PEAK1: variants seen among roughly 807,000 people sequenced by gnomAD.
The protein encoded by PEAK1 is inactive tyrosine-protein kinase PEAK1.
In PEAK1, 54 loss-of-function variants were observed where a neutral mutation model predicts 124.7. That is an observed-to-expected ratio of 0.43 (90% CI 0.35 to 0.54). The LOEUF (loss-of-function observed/expected upper bound fraction) is 0.54. Ranked by LOEUF, PEAK1 falls within the 20% of genes least tolerant of loss-of-function variation. The pLI is 0.01. For missense variants in PEAK1, 2,046 were observed against 2,134.5 expected, an observed-to-expected ratio of 0.96 and a Z score of 0.82; for synonymous variants, 719 against 760.0, an observed-to-expected ratio of 0.95 and a Z score of 0.89.
chr15:77,339,221 C>T (rs972079848), intron 2 of PEAK1, among the ~76,000 whole-genome samples: 1 of 151,484 alleles, frequency 6.6e-6, no homozygotes, highest in Non-Finnish European at 1.5e-5. Context: ...GGTGATCCTA[C>T]CATCTCAGCC....
intron 6 of PEAK1, among the ~76,000 whole-genome samples, chr15:77,235,518 C>A (rs571256781): frequency 2.6e-5 from 4 of 152,058 alleles, no homozygotes; most frequent in Non-Finnish European, 4.4e-5. Flanking sequence ...GGGTATCTGG[C>A]AGAAGAAATT....
At chr15:77,221,510 G>A (rs1350055799) in intron 6 of PEAK1, among the ~76,000 whole-genome samples, 1 of 152,024 alleles carries the variant, frequency 6.6e-6, no homozygotes, top group African/African-American at 2.4e-5. Context: ...GTATTGCTAA[G>A]CCCAGGGGTA....
intron 5 of PEAK1, among the ~76,000 whole-genome samples, chr15:77,260,548 C>T (rs577559007): frequency 2.0e-5 from 3 of 151,784 alleles, no homozygotes; most frequent in Non-Finnish European, 2.9e-5. Context: ...ATAATGGTGA[C>T]AGAAATAGAG....
At chr15:77,131,608 G>C (rs1379007098) in intron 9 of PEAK1, among the ~76,000 whole-genome samples, 1 of 152,192 alleles carries the variant, frequency 6.6e-6, no homozygotes, top group African/African-American at 2.4e-5. Flanking sequence ...ATGTCAAATG[G>C]AGAAAAAGAT....
intron 5 of PEAK1, among the ~76,000 whole-genome samples, chr15:77,264,134 C>G (rs12916904): frequency 2.0e-5 from 3 of 152,088 alleles, no homozygotes; most frequent in Non-Finnish European, 4.4e-5. Context: ...TGTGACAAAC[C>G]CACAGCCAAC....
At chr15:77,366,307 C>T (rs980202938) in intron 1 of PEAK1, among the ~76,000 whole-genome samples, 5 of 152,010 alleles carry the variant, frequency 3.3e-5, no homozygotes, top group African/African-American at 4.8e-5. Flanking sequence ...ATGGAGTTCA[C>T]TAAATGTCTC....
intron 1 of PEAK1, among the ~76,000 whole-genome samples, chr15:77,416,649 C>T (rs1482830908): frequency 6.6e-6 from 1 of 152,172 alleles, no homozygotes; most frequent in African/African-American, 2.4e-5. Context: ...ACTTCATCCA[C>T]CCCTGTTCTA....
intron 1 of PEAK1, among the ~76,000 whole-genome samples, chr15:77,394,191 C>A (rs1316912965): frequency 6.6e-6 from 1 of 152,216 alleles, no homozygotes; most frequent in Non-Finnish European, 1.5e-5. Flanking sequence ...CTACCCAGGG[C>A]TAGGGAGACC....
intron 5 of PEAK1, among the ~76,000 whole-genome samples, chr15:77,270,529 T>C (rs1019948519): frequency 1.1e-4 from 17 of 152,144 alleles, no homozygotes; most frequent in Non-Finnish European, 2.4e-4. Flanking sequence ...CCATTCACAA[T>C]TGCTTCAAAG....
downstream of PEAK1, chr15:77,103,444 T>A (rs1288054091): frequency 1.3e-5 from 2 of 152,140 alleles, no homozygotes; most frequent in Admixed American, 6.5e-5. Context: ...TGATATATAT[T>A]GTTAAGTAAG....
intron 5 of PEAK1, among the ~76,000 whole-genome samples, chr15:77,262,512 G>A (rs11072647): frequency 0.99 from 149,762 of 151,292 alleles, 74,148 homozygotes; most frequent in East Asian, 1. Context: ...GAGACAAAGA[G>A]GGCCATTACA....
intron 1 of PEAK1, among the ~76,000 whole-genome samples, chr15:77,396,109 T>C (rs2070863384): frequency 6.6e-6 from 1 of 152,154 alleles, no homozygotes; most frequent in Non-Finnish European, 1.5e-5. Flanking sequence ...GTTGTTTTCT[T>C]TGCTTGTTTA....
At chr15:77,152,861 C>T (rs1451044728) in intron 8 of PEAK1, among the ~76,000 whole-genome samples, 1 of 152,072 alleles carries the variant, frequency 6.6e-6, no homozygotes, top group Non-Finnish European at 1.5e-5. Flanking sequence ...GGTGGATAAG[C>T]TTTTTGATGT....
Position 77,154,791 on chromosome 15 carries a change from T to C in PEAK1, c.3331+3712A>G, listed in dbSNP as rs568316154. On this transcript the variant is annotated intron_variant, in intron 8 of 9. Transcript: ENST00000682557. Reference sequence around the variant, plus strand: ...AAATTGTGGGTTGAAAATTCTTTTCTTTAAGAATGTTGAATATTGGCCCCC... The same window carrying C: ...AAATTGTGGGTTGAAAATTCTTTTCCTTAAGAATGTTGAATATTGGCCCCC... Among the ~76,000 whole-genome samples the C allele has an allele frequency of 2.6e-5, 4 of 152,102 alleles. No homozygotes were observed. In the South Asian group the frequency reaches 8.3e-4, roughly 32 times the overall value.
At chr15:77,148,460 A>G (rs1233012701) in intron 8 of PEAK1, among the ~76,000 whole-genome samples, 1 of 152,066 alleles carries the variant, frequency 6.6e-6, no homozygotes, top group Non-Finnish European at 1.5e-5. Flanking sequence ...TACCTTGGGG[A>G]TCCTGTAGTC....
At chr15:77,356,032 C>T (rs2067497251) in intron 2 of PEAK1, 1 of 737,138 alleles carries the variant, frequency 1.4e-6, no homozygotes, top group Non-Finnish European at 1.7e-6. Flanking sequence ...TCTTGTATTC[C>T]AGTGCCCATG....
In PEAK1 at chr15:77,393,133, G is replaced by A. The variant is rs556301652; in HGVS notation, c.-666+26873C>T. Among the ~76,000 whole-genome samples the A allele has an allele frequency of 3.3e-5, 5 of 152,316 alleles. No homozygotes were observed. In the South Asian group the frequency reaches 1.0e-3, roughly 32 times the overall value. The stretch of plus-strand genomic sequence containing the variant: ...CAGCAGCTGGAACCTGAGTTCCAGA[G>A]AGCCTTGCCACCATGGGCTGAAGTG... On this transcript the variant is annotated intron_variant, in intron 1 of 9. Coordinates refer to ENST00000682557, the MANE Select transcript of PEAK1 (RefSeq NM_001385026.1).
intron 2 of PEAK1, among the ~76,000 whole-genome samples, chr15:77,322,027 C>T (rs1418375554): frequency 6.6e-6 from 1 of 152,164 alleles, no homozygotes; most frequent in Non-Finnish European, 1.5e-5. Flanking sequence ...TCCTGAATGA[C>T]TACTGGATAC....
At chr15:77,292,719 A>G (rs1204049109) in intron 2 of PEAK1, among the ~76,000 whole-genome samples, 1 of 152,208 alleles carries the variant, frequency 6.6e-6, no homozygotes, top group East Asian at 1.9e-4. Flanking sequence ...GGGATTACAG[A>G]TAAATTTTAG....
Sources: gnomAD v4.1 joint callset for allele counts (sites outside exome capture counted in the v4.1 genomes callset) on GRCh38, gnomAD v4.1.1 for gene constraint, MANE v1.5 for transcripts, NCBI Gene and HGNC (gene_info 2026-07-23, HGNC 2026-07-21) for gene names.